The following B3GNT8 variants were observed in gnomAD, a reference collection of about 807,000 sequenced individuals.
The protein encoded by B3GNT8 is N-acetyllactosaminide beta-1,3-N-acetylglucosaminyltransferase 8.
For synonymous variants in B3GNT8, 258 were observed against 238.3 expected, an observed-to-expected ratio of 1.08 and a Z score of -0.76; for missense variants, 502 against 530.5, an observed-to-expected ratio of 0.95 and a Z score of 0.53.
chr19:41,428,408 C>G (rs1038466535), upstream of B3GNT8, among the ~76,000 whole-genome samples: 1 of 152,158 alleles, frequency 6.6e-6, no homozygotes, highest in Admixed American at 6.5e-5. This position sits in a 1 kb window ranked among gnomAD's most constrained non-coding sequence, Gnocchi z 6.1. Context: ...CCTCCCCCAG[C>G]GGCACTGTGA....
chr19:41,426,191 G>C lies in B3GNT8; in HGVS notation c.588C>G (p.Asp196Glu), dbSNP rs746237987. The change falls in exon 2 of 2, where the codon GAC (aspartate) becomes GAG (glutamate). Residue 196 changes from aspartate (D) to glutamate (E), a missense_variant. Coordinates refer to ENST00000691102, the MANE Select transcript of B3GNT8 (RefSeq NM_001385648.2). The surrounding 1 kb of genome is among the most constrained non-coding windows in gnomAD (Gnocchi z 4.9). ...GACGGCTCTCCCAGGCCACTAGTGA[G>C]TCTAGGTCAGGCCCCGCCTCACCCA... ...SPVGEAGPDL[D>E]SLVAWESRRY... The C allele has an allele frequency of 6.2e-7, 1 of 1,613,784 alleles. No homozygotes were observed. Among genetic ancestry groups the C allele is most frequent in the Non-Finnish European group, 8.5e-7 (1 of 1,179,934 alleles).
Position 41,426,469 on chromosome 19 carries a change from C to T in B3GNT8, c.310G>A (p.Glu104Lys), listed in dbSNP as rs78273804. Residue 104 changes from glutamate to lysine, a missense_variant, in exon 2 of 2, where the codon GAG becomes AAG. Transcript: ENST00000691102. This position sits in a 1 kb window ranked among gnomAD's most constrained non-coding sequence, Gnocchi z 4.9. Reference sequence around the variant, plus strand: ...GGGTAGGAGGCGAAGTCAGGGATCTCGGTGGCGGCGGCGGCCCCCCAAGCC... The same window carrying T: ...GGGTAGGAGGCGAAGTCAGGGATCTTGGTGGCGGCGGCGGCCCCCCAAGCC... ...CQAWGAAAATEIPDFASYPKD... is the reference protein window; with the variant it reads ...CQAWGAAAATKIPDFASYPKD... 94 of 1,603,856 alleles carry T rather than the reference C, an allele frequency of 5.9e-5. No individual in the cohort carries two copies. Among genetic ancestry groups the T allele is most frequent in the African/African-American group, 8.0e-5 (6 of 74,896 alleles).
chr19:41,426,710 G>A lies in B3GNT8; in HGVS notation c.69C>T (p.Ile23=), dbSNP rs1481926823. The A allele has an allele frequency of 3.1e-6, 5 of 1,613,614 alleles. No homozygotes were observed. The highest frequency in any genetic ancestry group is 3.4e-6 in the Non-Finnish European group (4 of 1,179,944). The change falls in exon 2 of 2, where the codon ATC becomes ATT. Residue 23 remains isoleucine, a synonymous_variant. Coordinates refer to ENST00000691102, the MANE Select transcript of B3GNT8 (RefSeq NM_001385648.2). This position sits in a 1 kb window ranked among gnomAD's most constrained non-coding sequence, Gnocchi z 4.9. The stretch of plus-strand genomic sequence containing the variant: ...TGAGCCGGGACTCGGATGTCCACTC[G>A]ATGTACACTTTGAGGCCCAGGAGTG... ...LLTLLGLKVY[I]EWTSESRLSK...
chr19:41,426,482 G>GGCCCCCCAAGCCTGGCA lies in B3GNT8; in HGVS notation c.280_296dup (p.Ala101ArgfsTer73). The stretch of plus-strand genomic sequence containing the variant: ...AGTCAGGGATCTCGGTGGCGGCGGC[G>GGCCCCCCAAGCCTGGCA]GCCCCCCAAGCCTGGCAGCCCCCCG... On this transcript the variant is annotated frameshift_variant, in exon 2 of 2. Transcript: ENST00000691102. LOFTEE classifies it low-confidence loss of function (END_TRUNC). The surrounding 1 kb of genome is among the most constrained non-coding windows in gnomAD (Gnocchi z 4.9). 6.3e-7 allele frequency: 1 copy of GGCCCCCCAAGCCTGGCA among 1,583,926 alleles called. No individual in the cohort carries two copies. Among genetic ancestry groups the GGCCCCCCAAGCCTGGCA allele is most frequent in the Non-Finnish European group, 8.6e-7 (1 of 1,165,946 alleles).
chr19:41,426,656 G>A lies in B3GNT8; in HGVS notation c.123C>T (p.Thr41=). ...GGTTGGCTGGCGTGGGGCTTGGCGG[G>A]GTGCCCCGAGGGCTGGGGTAGGCCT... ...LSKAYPSPRG[T]PPSPTPANPE... is the part of the protein sequence containing the mutation. The change falls in exon 2 of 2, where the codon ACC becomes ACT. Residue 41 remains threonine, a synonymous_variant. Transcript: ENST00000691102. This position sits in a 1 kb window ranked among gnomAD's most constrained non-coding sequence, Gnocchi z 4.9. The A allele has an allele frequency of 1.2e-6, 2 of 1,613,738 alleles. No individual in the cohort carries two copies. The highest frequency in any genetic ancestry group is 3.3e-5 in the Admixed American group (2 of 60,000).
In B3GNT8 at chr19:41,425,721, C is replaced by T. The variant is rs1425649208; in HGVS notation, c.1058G>A (p.Gly353Asp). 1 of 1,577,720 alleles carries T rather than the reference C, an allele frequency of 6.3e-7. No homozygotes were observed. Residue 353 changes from glycine to aspartate, a missense_variant, in exon 2 of 2, where the codon GGC becomes GAC. Transcript: ENST00000691102. Reference sequence around the variant, plus strand: ...GTCTGCTGGCCAGGCTGTGAGGAAGCCTGGGTGGGCCTGGGGCACCAGGCC... The same window carrying T: ...GTCTGCTGGCCAGGCTGTGAGGAAGTCTGGGTGGGCCTGGGGCACCAGGCC... ...ALGLVPQAHP[G>D]FLTAWPADRT... is the part of the protein sequence containing the mutation.
Position 41,425,769 on chromosome 19 carries a change from G to A in B3GNT8, c.1010C>T (p.Thr337Ile). Residue 337 changes from threonine to isoleucine, a missense_variant, in exon 2 of 2, where the codon ACT (threonine) becomes ATT (isoleucine). Thr to Ile is a moderately conservative substitution (Grantham distance 89). Transcript: ENST00000691102. The part of the protein sequence containing the change: ...VAPFPFEDVY[T>I]GLCIRALGLV... ...GCCCAGGGCTCGGATGCAAAGGCCAGTGTAGACGTCCTCAAAGGGGAAGGG... is the reference window on the plus strand; with the variant it reads ...GCCCAGGGCTCGGATGCAAAGGCCAATGTAGACGTCCTCAAAGGGGAAGGG... 2.5e-6 allele frequency: 4 copies of A among 1,611,806 alleles called. No individual in the cohort carries two copies. The highest frequency in any genetic ancestry group is 2.5e-6 in the Non-Finnish European group (3 of 1,179,184).
Position 41,427,292 on chromosome 19 carries a change from C to G in B3GNT8, c.-41G>C, listed in dbSNP as rs1857971082. On this transcript the variant is annotated 5_prime_UTR_variant, in exon 1 of 2. Coordinates refer to ENST00000691102, the MANE Select transcript of B3GNT8 (RefSeq NM_001385648.2). This position sits in a 1 kb window ranked among gnomAD's most constrained non-coding sequence, Gnocchi z 5.6. The stretch of plus-strand genomic sequence containing the variant: ...ATCCCATGCTTTTTTACCTCTGGGT[C>G]TGGCTCCCGCCAGCTCCGGGTGCCG... 1.1e-5 allele frequency: 2 copies of G among 175,224 alleles called. No homozygotes were observed. Among genetic ancestry groups the G allele is most frequent in the African/African-American group, 4.8e-5 (2 of 41,586 alleles). 10.9% of individuals were successfully genotyped at this position (175,224 alleles called of 1,614,324 possible). A position where few individuals can be genotyped will look rare whatever the true frequency, so the allele number is the denominator to read the frequency against.
At chr19:41,428,633 A>ACACAGTCTGTCAGCAG (rs143287626), upstream of B3GNT8, 4,674 of 152,506 alleles carry the variant, frequency 0.031, 228 homozygotes, top group African/African-American at 0.11. The surrounding 1 kb of genome is among the most constrained non-coding windows in gnomAD (Gnocchi z 6.1). Context: ...CATGGCAGGA[A>ACACAGTCTGTCAGCAG]CACAGTCTGT....
rs2039419527 is a variant in B3GNT8 at position 41,425,468 on chromosome 19, A to C, written c.*117T>G. The C allele has an allele frequency of 3.7e-6, 3 of 821,600 alleles. No homozygotes were observed. Among genetic ancestry groups the C allele is most frequent in the Non-Finnish European group, 3.5e-6 (2 of 578,990 alleles). 50.9% of individuals were successfully genotyped at this position (821,600 alleles called of 1,614,324 possible). A position where few individuals can be genotyped will look rare whatever the true frequency, so the allele number is the denominator to read the frequency against. On this transcript the variant is annotated 3_prime_UTR_variant, in exon 2 of 2. Transcript: ENST00000691102. Reference sequence around the variant, plus strand: ...CTGGGGGAGGCCAAGGAGTGGCTTAAGTTGTCCAGCTTCTGGGCCCTCCTC... The same window carrying C: ...CTGGGGGAGGCCAAGGAGTGGCTTACGTTGTCCAGCTTCTGGGCCCTCCTC...
Position 41,425,514 on chromosome 19 carries a change from G to T in B3GNT8, c.*71C>A. ...TCCTCCCTCCCATCAAGACCTGGAA[G>T]GAGGGGCTGAGCCAGGGGCCGGCCC... On this transcript the variant is annotated 3_prime_UTR_variant, in exon 2 of 2. Coordinates refer to ENST00000691102, the MANE Select transcript of B3GNT8 (RefSeq NM_001385648.2). The T allele has an allele frequency of 7.9e-7, 1 of 1,263,832 alleles. No individual in the cohort carries two copies. The highest frequency in any genetic ancestry group is 2.2e-5 in the South Asian group (1 of 44,476). 78.3% of individuals were successfully genotyped at this position (1,263,832 alleles called of 1,614,324 possible). A position where few individuals can be genotyped will look rare whatever the true frequency, so the allele number is the denominator to read the frequency against.
At position 41,426,794 on chromosome 19, in the gene B3GNT8, A is replaced by C. The variant is rs768254489; in HGVS notation, c.-16T>G. 1 of 1,608,300 alleles carries C rather than the reference A, an allele frequency of 6.2e-7. No individual in the cohort carries two copies. Among genetic ancestry groups the C allele is most frequent in the African/African-American group, 1.3e-5 (1 of 74,946 alleles). ...GGCAGCGCATGACCCGGCCCAGGGA[A>C]GGGGCGGCCGCGGGAGCTACAAGGG... On this transcript the variant is annotated 5_prime_UTR_variant, in exon 2 of 2. Transcript: ENST00000691102. This position sits in a 1 kb window ranked among gnomAD's most constrained non-coding sequence, Gnocchi z 4.9.
chr19:41,426,416 T>C lies in B3GNT8; in HGVS notation c.363A>G (p.Ser121=). 2.5e-6 allele frequency: 4 copies of C among 1,611,430 alleles called. No individual in the cohort carries two copies. Among genetic ancestry groups the C allele is most frequent in the Non-Finnish European group, 3.4e-6 (4 of 1,179,782 alleles). ...YPKDLRRFLL[S]AACRSFPQWL... Reference sequence around the variant, plus strand: ...ACTGTGGGAAGCTCCGGCAGGCTGCTGACAGCAAGAAGCGGCGGAGGTCCT... The same window carrying C: ...ACTGTGGGAAGCTCCGGCAGGCTGCCGACAGCAAGAAGCGGCGGAGGTCCT... Residue 121 remains serine (S), a synonymous_variant, in exon 2 of 2, where the codon TCA becomes TCG. Coordinates refer to ENST00000691102, the MANE Select transcript of B3GNT8 (RefSeq NM_001385648.2). This position sits in a 1 kb window ranked among gnomAD's most constrained non-coding sequence, Gnocchi z 4.9.
upstream of B3GNT8, chr19:41,427,654 C>T: frequency 6.4e-6 from 1 of 156,198 alleles, no homozygotes. The surrounding 1 kb of genome is among the most constrained non-coding windows in gnomAD (Gnocchi z 5.6). Context: ...CCAGGGGGTG[C>T]CAGGGAGGGT....
At position 41,426,659 on chromosome 19, in the gene B3GNT8, G is replaced by T. The variant is rs1200742268; in HGVS notation, c.120C>A (p.Gly40=). Residue 40 remains glycine (G), a synonymous_variant, in exon 2 of 2, where the codon GGC becomes GGA. Transcript: ENST00000691102. This position sits in a 1 kb window ranked among gnomAD's most constrained non-coding sequence, Gnocchi z 4.9. ...RLSKAYPSPR[G]TPPSPTPANP... ...TGGCTGGCGTGGGGCTTGGCGGGGT[G>T]CCCCGAGGGCTGGGGTAGGCCTTGC... 6.2e-7 allele frequency: 1 copy of T among 1,613,532 alleles called. No individual in the cohort carries two copies. The highest frequency in any genetic ancestry group is 1.1e-5 in the South Asian group (1 of 91,084).
rs997855948 is a variant in B3GNT8 at position 41,427,059 on chromosome 19, G to A, written c.-33+225C>T. On this transcript the variant is annotated intron_variant, in intron 1 of 1. Transcript: ENST00000691102. The surrounding 1 kb of genome is among the most constrained non-coding windows in gnomAD (Gnocchi z 5.6). ...ACCAGCACCCTGTTCTTCCCACTCC[G>A]TCCAAATGCTTCCACCTTCCTAAAA... Among the ~76,000 whole-genome samples the A allele has an allele frequency of 2.0e-5, 3 of 152,000 alleles. No homozygotes were observed. Among genetic ancestry groups the A allele is most frequent in the African/African-American group, 4.8e-5 (2 of 41,360 alleles).
upstream of B3GNT8, among the ~76,000 whole-genome samples, chr19:41,427,885 TGAG>T (rs5828108): frequency 0.55 from 82,314 of 149,524 alleles, 22,961 homozygotes; most frequent in Middle Eastern, 0.62. The surrounding 1 kb of genome is among the most constrained non-coding windows in gnomAD (Gnocchi z 5.6). Flanking sequence ...ACGGGGCTGG[TGAG>T]GAGAAGGAGA....
Position 41,426,267 on chromosome 19 carries a change from C to T in B3GNT8, c.512G>A (p.Trp171Ter). ...CCGGATCCCTGGAGCTGGACTGCCCCACGTCTCTCTCACGGCCTGTCGTTC... is the reference window on the plus strand; with the variant it reads ...CCGGATCCCTGGAGCTGGACTGCCCTACGTCTCTCTCACGGCCTGTCGTTC... ...FAERQAVRET[W>*]GSPAPGIRLL... The change falls in exon 2 of 2, where the codon TGG becomes TAG. Residue 171 changes from tryptophan to a stop codon, truncating the protein, a stop_gained. Transcript: ENST00000691102. LOFTEE classifies it low-confidence loss of function (END_TRUNC). This position sits in a 1 kb window ranked among gnomAD's most constrained non-coding sequence, Gnocchi z 4.9. 1 of 1,613,452 alleles carries T rather than the reference C, an allele frequency of 6.2e-7. No homozygotes were observed. The highest frequency in any genetic ancestry group is 8.5e-7 in the Non-Finnish European group (1 of 1,180,010).
In B3GNT8 at chr19:41,426,489, C is replaced by T. The variant is rs1399457795; in HGVS notation, c.290G>A (p.Trp97Ter). ...GATCTCGGTGGCGGCGGCGGCCCCC[C>T]AAGCCTGGCAGCCCCCCGTTTCAGT... ...DSTETGGCQA[W>*]GAAAATEIPD... The change falls in exon 2 of 2, where the codon TGG becomes TAG. Residue 97 changes from tryptophan (W) to a stop codon, truncating the protein, a stop_gained. Coordinates refer to ENST00000691102, the MANE Select transcript of B3GNT8 (RefSeq NM_001385648.2). LOFTEE classifies it low-confidence loss of function (END_TRUNC). This position sits in a 1 kb window ranked among gnomAD's most constrained non-coding sequence, Gnocchi z 4.9. 3 of 1,586,814 alleles carry T rather than the reference C, an allele frequency of 1.9e-6. No individual in the cohort carries two copies. The highest frequency in any genetic ancestry group is 1.4e-5 in the African/African-American group (1 of 70,956).
Sources: allele counts gnomAD v4.1 joint callset (sites outside exome capture counted in the v4.1 genomes callset), GRCh38; gene constraint gnomAD v4.1.1; non-coding constraint Gnocchi (gnomAD v3.1); transcripts MANE v1.5; gene names NCBI Gene and HGNC (gene_info 2026-07-23, HGNC 2026-07-21).